The following LRRC8D variants were observed in gnomAD, a reference collection of about 807,000 sequenced individuals.
LRRC8D encodes the protein volume-regulated anion channel subunit LRRC8D.
Under a neutral mutation model 55.8 loss-of-function variants are expected in LRRC8D, and 20 were observed. The observed-to-expected ratio is 0.36, with a 90% CI of 0.25 to 0.52. The LOEUF (loss-of-function observed/expected upper bound fraction) is 0.52. LRRC8D is among the 20% of genes least tolerant of loss of function. LRRC8D has a pLI of 0.93. For synonymous variants in LRRC8D, 352 were observed against 377.0 expected (o/e 0.93, Z 0.77); for missense variants, 651 against 1,030.8 (o/e 0.63, Z 5.05).
chr1:89,932,338 A>C (rs113007287), intron 2 of LRRC8D, among the ~76,000 whole-genome samples: 2 of 152,294 alleles, frequency 1.3e-5, no homozygotes, highest in Non-Finnish European at 2.9e-5. Flanking sequence ...GGACTGCATC[A>C]AAGGCCAGAG....
At chr1:89,827,343 CAAAAA>C (rs35690511) in intron 1 of LRRC8D, among the ~76,000 whole-genome samples, 11 of 105,058 alleles carry the variant, frequency 1.0e-4, no homozygotes, top group Non-Finnish European at 1.8e-4. Flanking sequence ...GAGACTGTCT[CAAAAA>C]AAAAAAAAAA....
At chr1:89,847,431 A>G (rs1407045552) in intron 2 of LRRC8D, among the ~76,000 whole-genome samples, 3 of 152,154 alleles carry the variant, frequency 2.0e-5, no homozygotes, top group Admixed American at 6.5e-5. Context: ...TGATACATGT[A>G]TGGTTCCTTA....
At chr1:89,916,884 A>G (rs1663283706) in intron 2 of LRRC8D, among the ~76,000 whole-genome samples, 1 of 152,204 alleles carries the variant, frequency 6.6e-6, no homozygotes, top group Non-Finnish European at 1.5e-5. Flanking sequence ...CATGTGTTCA[A>G]CATTAGACTG....
chr1:89,886,298 C>G (rs1047363101), intron 2 of LRRC8D, among the ~76,000 whole-genome samples: 1 of 152,084 alleles, frequency 6.6e-6, no homozygotes, highest in African/African-American at 2.4e-5. Context: ...GAGCCCCGGA[C>G]GGGGGAGGTC....
chr1:89,898,425 G>A (rs780918371), intron 2 of LRRC8D, among the ~76,000 whole-genome samples: 3 of 152,186 alleles, frequency 2.0e-5, no homozygotes, highest in Middle Eastern at 3.2e-3. Context: ...CAAATTCTAC[G>A]AAGGAAATAC....
At chr1:89,907,681 T>C (rs1663031084) in intron 2 of LRRC8D, among the ~76,000 whole-genome samples, 2 of 152,226 alleles carry the variant, frequency 1.3e-5, no homozygotes, top group African/African-American at 2.4e-5. Flanking sequence ...AATTATTTCA[T>C]GAGTCCCCCA....
chr1:89,840,527 A>T (rs139287385), intron 1 of LRRC8D, among the ~76,000 whole-genome samples: 1 of 152,292 alleles, frequency 6.6e-6, no homozygotes, highest in African/African-American at 2.4e-5. Context: ...ACTGCTCTGG[A>T]GGGGAGAGTA....
At chr1:89,863,518 A>G (rs577687807) in intron 2 of LRRC8D, among the ~76,000 whole-genome samples, 1 of 152,244 alleles carries the variant, frequency 6.6e-6, no homozygotes, top group Non-Finnish European at 1.5e-5. Context: ...CAAGATGCTG[A>G]AAATGATTAT....
At chr1:89,864,413 A>T (rs542195370) in intron 2 of LRRC8D, among the ~76,000 whole-genome samples, 21 of 152,168 alleles carry the variant, frequency 1.4e-4, no homozygotes, top group Non-Finnish European at 2.4e-4. Context: ...GAAAGACACC[A>T]CTATCCACCA....
intron 2 of LRRC8D, among the ~76,000 whole-genome samples, chr1:89,905,762 A>G (rs973393986): frequency 1.3e-5 from 2 of 152,198 alleles, no homozygotes; most frequent in South Asian, 2.1e-4. Context: ...CCAGCAGGAG[A>G]GGAGTCCAGA....
intron 2 of LRRC8D, among the ~76,000 whole-genome samples, chr1:89,856,847 A>T (rs893942511): frequency 2.6e-5 from 4 of 152,160 alleles, no homozygotes; most frequent in African/African-American, 9.7e-5. Context: ...TTTTCTATTC[A>T]TTGCATATGC....
chr1:89,854,970 C>T (rs935002087), intron 2 of LRRC8D, among the ~76,000 whole-genome samples: 7 of 152,150 alleles, frequency 4.6e-5, no homozygotes, highest in Non-Finnish European at 1.0e-4. Flanking sequence ...CTGAGTGCCA[C>T]GGTTTCCTGA....
intron 2 of LRRC8D, among the ~76,000 whole-genome samples, chr1:89,894,241 A>G (rs971947970): frequency 6.6e-6 from 1 of 152,222 alleles, no homozygotes; most frequent in Non-Finnish European, 1.5e-5. Flanking sequence ...AGATTTCCAG[A>G]TTCCAGAACT....
intron 2 of LRRC8D, among the ~76,000 whole-genome samples, chr1:89,846,905 A>C (rs895726134): frequency 2.4e-4 from 37 of 152,268 alleles, no homozygotes; most frequent in East Asian, 1.9e-4. Flanking sequence ...CTCCTAGGGC[A>C]GTTTATATCC....
At chr1:89,901,914 C>G (rs966766758) in intron 2 of LRRC8D, among the ~76,000 whole-genome samples, 3 of 152,244 alleles carry the variant, frequency 2.0e-5, no homozygotes. Context: ...CTCAGCCTTT[C>G]CACCGAAGCC....
At chr1:89,912,171 A>C (rs912901178) in intron 2 of LRRC8D, among the ~76,000 whole-genome samples, 1 of 152,072 alleles carries the variant, frequency 6.6e-6, no homozygotes, top group African/African-American at 2.4e-5. Flanking sequence ...CATGTTGACT[A>C]TAGAGTAGTT....
chr1:89,836,498 C>G (rs1175444872), intron 1 of LRRC8D, among the ~76,000 whole-genome samples: 1 of 152,170 alleles, frequency 6.6e-6, no homozygotes, highest in Non-Finnish European at 1.5e-5. Flanking sequence ...TTCATCTGAC[C>G]TCCTAAACTC....
intron 2 of LRRC8D, among the ~76,000 whole-genome samples, chr1:89,924,687 AT>A (rs961608869): frequency 9.3e-5 from 14 of 150,674 alleles, no homozygotes; most frequent in Admixed American, 3.3e-4. Context: ...AGTGGACTGG[AT>A]TTTTTTTTTA....
chr1:89,924,141 G>C lies in LRRC8D; in HGVS notation c.-2-8926G>C, dbSNP rs547689136. The stretch of plus-strand genomic sequence containing the variant: ...TTAAACTGTCAACAGTAAACAGACA[G>C]CATACAGAATGGGAGAAAATATTTG... On this transcript the variant is annotated intron_variant, in intron 2 of 2. Coordinates refer to ENST00000337338, the MANE Select transcript of LRRC8D (RefSeq NM_001134479.2). Among the ~76,000 whole-genome samples, 3 of 152,288 alleles carry C rather than the reference G, an allele frequency of 2.0e-5. No individual in the cohort carries two copies. The East Asian group carries it at 5.8e-4, about 29-fold the overall frequency.
Sources: gnomAD v4.1 joint callset for allele counts (sites outside exome capture counted in the v4.1 genomes callset) on GRCh38, gnomAD v4.1.1 for gene constraint, MANE v1.5 for transcripts, NCBI Gene and HGNC (gene_info 2026-07-23, HGNC 2026-07-21) for gene names.